The following SGCZ variants were observed in gnomAD, a reference collection of about 807,000 sequenced individuals.
The protein encoded by SGCZ is zeta-sarcoglycan.
In SGCZ, 40 loss-of-function variants were observed where a neutral mutation model predicts 41.3. That is an observed-to-expected ratio of 0.97 (90% CI 0.75 to 1.26). The LOEUF (loss-of-function observed/expected upper bound fraction) is 1.26. SGCZ is among the 50% of genes most tolerant of loss of function. The probability of loss-of-function intolerance (pLI) is 0.00; values close to 1 mark genes in which losing one functional copy is unlikely to be tolerated. For synonymous variants in SGCZ, 206 were observed against 137.5 expected (o/e 1.50, Z -3.49); for missense variants, 552 against 369.8 (o/e 1.49, Z -4.04).
intron 1 of SGCZ, among the ~76,000 whole-genome samples, chr8:15,194,920 T>A: frequency 6.6e-6 from 1 of 152,322 alleles, no homozygotes; most frequent in South Asian, 2.1e-4. Context: ...TGAAACAAAA[T>A]TAACACATTG....
rs1807676673 is a variant in SGCZ at position 15,126,262 on chromosome 8, A to G, written c.39+111323T>C. Among the ~76,000 whole-genome samples, 3 of 152,226 alleles carry G rather than the reference A, an allele frequency of 2.0e-5. 1 individual carries two copies. In the South Asian group the frequency reaches 6.2e-4, roughly 32 times the overall value. On this transcript the variant is annotated intron_variant, in intron 1 of 7. Coordinates refer to ENST00000382080, the MANE Select transcript of SGCZ (RefSeq NM_139167.4). ...ATTTTTTAAATTTACATTTTTAATA[A>G]CTACAAGTAGAAAATTTATACTATT...
chr8:14,349,496 C>A (rs1803011133), intron 2 of SGCZ, among the ~76,000 whole-genome samples: 1 of 151,972 alleles, frequency 6.6e-6, no homozygotes, highest in Admixed American at 6.6e-5. Flanking sequence ...TTTTCGTAAG[C>A]AATAAGGCAT....
At chr8:14,843,765 T>G (rs1803005041) in intron 1 of SGCZ, among the ~76,000 whole-genome samples, 1 of 152,026 alleles carries the variant, frequency 6.6e-6, no homozygotes. Context: ...TCATAAATAT[T>G]TATAGATAGC....
chr8:14,091,732 G>A lies in SGCZ; in HGVS notation c.745-1095C>T, dbSNP rs28853919. Among the ~76,000 whole-genome samples the A allele has an allele frequency of 7.1e-3, 1,083 of 152,074 alleles. 12 individuals are homozygous for A. Among genetic ancestry groups the A allele is most frequent in the African/African-American group, 0.024 (988 of 41,492 alleles). ...TCTTTGTAGGTTCTGGATATTAACC[G>A]TTTGTCAGATGGACAGATTGCAAAA... On this transcript the variant is annotated intron_variant, in intron 7 of 7. Transcript: ENST00000382080.
At chr8:14,653,097 AT>A (rs1807456087) in intron 1 of SGCZ, among the ~76,000 whole-genome samples, 1 of 152,086 alleles carries the variant, frequency 6.6e-6, no homozygotes, top group Non-Finnish European at 1.5e-5. Context: ...TAGAATTGGA[AT>A]TTTAAAATAT....
intron 1 of SGCZ, among the ~76,000 whole-genome samples, chr8:14,998,497 A>C (rs957456834): frequency 2.0e-5 from 3 of 150,922 alleles, no homozygotes; most frequent in Non-Finnish European, 4.4e-5. Context: ...TATGCAGTGC[A>C]TTTCAATTAA....
At chr8:14,504,878 A>C (rs2117060319) in intron 2 of SGCZ, among the ~76,000 whole-genome samples, 1 of 152,248 alleles carries the variant, frequency 6.6e-6, no homozygotes, top group Non-Finnish European at 1.5e-5. Flanking sequence ...CTCTTTCTTT[A>C]TAAATTGTGA....
intron 1 of SGCZ, among the ~76,000 whole-genome samples, chr8:14,775,547 T>C (rs1421930670): frequency 1.3e-5 from 2 of 151,856 alleles, no homozygotes; most frequent in African/African-American, 2.4e-5. Flanking sequence ...CAAAATATAC[T>C]GGTTCCACCT....
chr8:14,754,082 T>A (rs562264413), intron 1 of SGCZ, among the ~76,000 whole-genome samples: 1 of 152,210 alleles, frequency 6.6e-6, no homozygotes, highest in South Asian at 2.1e-4. Flanking sequence ...GAGTTCTGCA[T>A]TGAGTTTTGG....
At position 14,715,549 on chromosome 8, in the gene SGCZ, CA is replaced by C. The variant is rs1220001975; in HGVS notation, c.40-160624del. Among the ~76,000 whole-genome samples the C allele has an allele frequency of 4.8e-4, 67 of 139,068 alleles. 1 individual carries two copies. The highest frequency in any genetic ancestry group is 1.8e-3 in the African/African-American group (64 of 35,268). The allele number at this position is 139,068 out of a possible 152,430, so 91.2% of individuals were successfully genotyped here. ...ATATCCTCCACCACACACACACACACACACACACACAAACATGCACACATAA... is the reference window on the plus strand; with the variant it reads ...ATATCCTCCACCACACACACACACACCACACACACAAACATGCACACATAA... On this transcript the variant is annotated intron_variant, in intron 1 of 7. Coordinates refer to ENST00000382080, the MANE Select transcript of SGCZ (RefSeq NM_139167.4).
chr8:14,628,345 T>C (rs969448353), intron 1 of SGCZ, among the ~76,000 whole-genome samples: 6 of 132,740 alleles, frequency 4.5e-5, no homozygotes, highest in Admixed American at 7.5e-5. Flanking sequence ...TTACAGCTGA[T>C]AACCTCCCTC....
intron 5 of SGCZ, among the ~76,000 whole-genome samples, chr8:14,148,364 A>G (rs1175421006): frequency 6.6e-6 from 1 of 152,072 alleles, no homozygotes; most frequent in Non-Finnish European, 1.5e-5. Flanking sequence ...AGTCATTACA[A>G]CTGACACTGC....
At chr8:15,049,711 C>T (rs1449376140) in intron 1 of SGCZ, among the ~76,000 whole-genome samples, 2 of 152,100 alleles carry the variant, frequency 1.3e-5, no homozygotes, top group Non-Finnish European at 1.5e-5. Flanking sequence ...ACCCAAACCT[C>T]ACCTTGTATT....
intron 1 of SGCZ, among the ~76,000 whole-genome samples, chr8:15,028,546 C>T (rs1032025200): frequency 6.6e-6 from 1 of 151,954 alleles, no homozygotes; most frequent in Non-Finnish European, 1.5e-5. Flanking sequence ...GGAACACTAT[C>T]GTCTTTCTAA....
intron 1 of SGCZ, among the ~76,000 whole-genome samples, chr8:14,856,133 G>T (rs1365584297): frequency 1.3e-5 from 2 of 152,156 alleles, no homozygotes; most frequent in African/African-American, 2.4e-5. Context: ...TGGTGGCTAG[G>T]ATCAAGATAT....
At chr8:14,530,932 T>G (rs1243963611) in intron 2 of SGCZ, among the ~76,000 whole-genome samples, 3 of 151,994 alleles carry the variant, frequency 2.0e-5, no homozygotes, top group African/African-American at 7.2e-5. Context: ...CTACTACAGG[T>G]ACACAAATGA....
chr8:14,354,160 T>G (rs1803205823), intron 2 of SGCZ, among the ~76,000 whole-genome samples: 1 of 152,072 alleles, frequency 6.6e-6, no homozygotes, highest in African/African-American at 2.4e-5. Flanking sequence ...ATTGCCTTAT[T>G]ATTTCCCTGT....
chr8:14,143,969 G>T (rs930421063), intron 5 of SGCZ, among the ~76,000 whole-genome samples: 1 of 152,146 alleles, frequency 6.6e-6, no homozygotes, highest in Non-Finnish European at 1.5e-5. Flanking sequence ...AACAAGGCAG[G>T]AATCACCAAT....
chr8:14,266,868 C>G (rs1225169462), intron 3 of SGCZ, among the ~76,000 whole-genome samples: 1 of 151,976 alleles, frequency 6.6e-6, no homozygotes, highest in East Asian at 1.9e-4. Flanking sequence ...GAATCCAAGT[C>G]ATTATAACCA....
Sources: allele counts gnomAD v4.1 joint callset (sites outside exome capture counted in the v4.1 genomes callset), GRCh38; gene constraint gnomAD v4.1.1; transcripts MANE v1.5; gene names NCBI Gene and HGNC (gene_info 2026-07-23, HGNC 2026-07-21).